The following RNF166 variants were observed in gnomAD, a reference collection of about 807,000 sequenced individuals.
The protein encoded by RNF166 is ring finger protein 166.
A neutral mutation model predicts 29.4 loss-of-function variants in RNF166; 19 were observed. The observed-to-expected ratio is 0.65, with a 90% confidence interval of 0.45 to 0.95. The LOEUF (loss-of-function observed/expected upper bound fraction) is 0.95, where lower values mean the gene tolerates loss of function less well. Among genes scored for constraint, RNF166 ranks in the 40% least tolerant of loss-of-function variants. RNF166 has a pLI of 0.00. For synonymous variants in RNF166, 171 were observed against 134.5 expected (o/e 1.27, Z -1.88); for missense variants, 347 against 322.1 (o/e 1.08, Z -0.59).
Position 88,701,298 on chromosome 16 carries a change from TGA to T in RNF166, c.274_275del (p.Ser92IlefsTer129). The T allele has an allele frequency of 6.2e-7, 1 of 1,613,750 alleles. No individual in the cohort carries two copies. Among genetic ancestry groups the T allele is most frequent in the Non-Finnish European group, 8.5e-7 (1 of 1,179,936 alleles). On this transcript the variant is annotated frameshift_variant, in exon 2 of 6. Coordinates refer to ENST00000312838, the MANE Select transcript of RNF166 (RefSeq NM_178841.4). LOFTEE classifies it high-confidence loss of function. ...AGCCTCGACAGGGCGCTTTGTAGGA[TGA>T]GAGCTGCTTCTCCACGTGGGTGGCC... ...DKATHVEKQL[S>X]SYKAPCRGCN...
At chr16:88,705,204 C>T (rs1484446335) in intron 1 of RNF166, among the ~76,000 whole-genome samples, 1 of 152,182 alleles carries the variant, frequency 6.6e-6, no homozygotes, top group Non-Finnish European at 1.5e-5. Flanking sequence ...CAGCACACAT[C>T]CACCTAGCAG....
At chr16:88,699,199 C>T (rs1219058879) in intron 3 of RNF166, 114 bp from the exon 4 acceptor site, 8 of 788,218 alleles carry the variant, frequency 1.0e-5, no homozygotes, top group Middle Eastern at 2.9e-4. Context: ...GCTGCAAGAG[C>T]GTGGCAGTGG....
At chr16:88,701,727 C>T (rs1422260664) in intron 1 of RNF166, 2 of 328,286 alleles carry the variant, frequency 6.1e-6, no homozygotes, top group African/African-American at 4.3e-5. Context: ...GCAGGAGGCC[C>T]CAGCTCGGGC....
At chr16:88,703,185 G>A in intron 1 of RNF166, 1 of 980,772 alleles carries the variant, frequency 1.0e-6, no homozygotes, top group Non-Finnish European at 1.2e-6. Flanking sequence ...AGACGGGTGG[G>A]TGCCAGGCGA....
intron 1 of RNF166, chr16:88,704,087 TG>T (rs993950318): frequency 1.0e-6 from 1 of 985,236 alleles, no homozygotes; most frequent in African/African-American, 1.7e-5. Context: ...GCCCCCACAC[TG>T]GGATACTCTT....
intron 1 of RNF166, chr16:88,704,527 G>C: frequency 4.1e-6 from 4 of 985,454 alleles, no homozygotes; most frequent in Non-Finnish European, 4.8e-6. Flanking sequence ...AGACCAATTT[G>C]TGCAGGTTAG....
In RNF166 at chr16:88,705,425, A is replaced by C. The variant is rs1358110893; in HGVS notation, c.155+746T>G. Among the ~76,000 whole-genome samples, 6 of 152,342 alleles carry C rather than the reference A, an allele frequency of 3.9e-5. No homozygotes were observed. The Middle Eastern group carries it at 0.017, about 432-fold the overall frequency. ...TTATTCAGCACTTAGGAGGGAGCAG[A>C]CACTGATCTAGGCTTCCTCCCAACG... On this transcript the variant is annotated intron_variant, in intron 1 of 5. Coordinates refer to ENST00000312838, the MANE Select transcript of RNF166 (RefSeq NM_178841.4).
At chr16:88,700,862 G>C (rs1310515169) in intron 2 of RNF166, 3 of 1,089,948 alleles carry the variant, frequency 2.8e-6, no homozygotes, top group East Asian at 8.8e-5. Context: ...TCGGCCCTTA[G>C]ATGTCCTTGA....
chr16:88,706,371 G>T lies in RNF166; in HGVS notation c.-46C>A, dbSNP rs1597418459. 1.6e-6 allele frequency: 2 copies of T among 1,219,232 alleles called. No individual in the cohort carries two copies. The highest frequency in any genetic ancestry group is 1.0e-6 in the Non-Finnish European group (1 of 977,946). The allele number at this position is 1,219,232 out of a possible 1,614,324, so 75.5% of individuals were successfully genotyped here. A position where few individuals can be genotyped will look rare whatever the true frequency, so the allele number is the denominator to read the frequency against. ...GCCCGCCGCCCGCTGTCCTGGCCCGGGCCGGCCCGCTAGTCACAGCCGCTA... is the reference window on the plus strand; with the variant it reads ...GCCCGCCGCCCGCTGTCCTGGCCCGTGCCGGCCCGCTAGTCACAGCCGCTA... On this transcript the variant is annotated 5_prime_UTR_variant, in exon 1 of 6. Transcript: ENST00000312838.
Position 88,701,243 on chromosome 16 carries a change from G to A in RNF166, c.312+19C>T, listed in dbSNP as rs368389578. On this transcript the variant is annotated intron_variant, in intron 2 of 5. Coordinates refer to ENST00000312838, the MANE Select transcript of RNF166 (RefSeq NM_178841.4). ...CATCAAGTGACCCCGGCTCCAGGGC[G>A]GCCCAAGCAGGCGGGTACCTTTTTG... The A allele has an allele frequency of 3.8e-5, 61 of 1,613,272 alleles. No homozygotes were observed. The South Asian group carries it at 4.2e-4, about 11-fold the overall frequency.
At position 88,703,836 on chromosome 16, in the gene RNF166, G is replaced by A. The variant is rs545042952; in HGVS notation, c.155+2335C>T. 1.4e-4 allele frequency: 137 copies of A among 985,430 alleles called. 1 individual carries two copies. Among genetic ancestry groups the A allele is most frequent in the South Asian group, 7.5e-4 (16 of 21,286 alleles). 61.0% of individuals were successfully genotyped at this position (985,430 alleles called of 1,614,324 possible). On this transcript the variant is annotated intron_variant, in intron 1 of 5. Transcript: ENST00000312838. Reference sequence around the variant, plus strand: ...GCTGCACAAGCTGAGAAGCTGGGACGGCCCGTGCCTCAGGGATCTGCCTGG... The same window carrying A: ...GCTGCACAAGCTGAGAAGCTGGGACAGCCCGTGCCTCAGGGATCTGCCTGG...
At chr16:88,703,154 G>GA (rs948221119) in intron 1 of RNF166, 6 of 985,304 alleles carry the variant, frequency 6.1e-6, no homozygotes, top group South Asian at 4.7e-5. Context: ...CCAGCAGAGA[G>GA]AAACCCAGTG....
rs1166962141 is a variant in RNF166 at position 88,699,604 on chromosome 16, C to T, written c.425+16G>A. On this transcript the variant is annotated intron_variant, in intron 3 of 5. Coordinates refer to ENST00000312838, the MANE Select transcript of RNF166 (RefSeq NM_178841.4). ...GCCGAGGACAGTTCCTCTCCCTTGC[C>T]CGGCAGCGTGCCTACCTGGGGATAG... is the stretch of plus-strand genomic sequence containing the variant. The T allele has an allele frequency of 6.3e-7, 1 of 1,597,558 alleles. No homozygotes were observed. The highest frequency in any genetic ancestry group is 2.2e-5 in the East Asian group (1 of 44,636).
At chr16:88,700,568 C>CT (rs149328410) in intron 2 of RNF166, 214,545 of 982,516 alleles carry the variant, frequency 0.22, 24,140 homozygotes, top group Middle Eastern at 0.29. Context: ...CTTCATAGAA[C>CT]TTATTCACCT....
chr16:88,701,507 T>A, intron 1 of RNF166, 89 bp from the exon 2 acceptor site: 3 of 1,289,622 alleles, frequency 2.3e-6, no homozygotes, highest in Non-Finnish European at 3.1e-6. Context: ...GGACCCAGCA[T>A]TTGTGGGGTC....
intron 2 of RNF166, chr16:88,700,624 C>G: frequency 1.0e-6 from 1 of 986,176 alleles, no homozygotes. Context: ...TCACCTCTAG[C>G]TGCTCAGTCC....
At chr16:88,703,288 G>C (rs1910451088) in intron 1 of RNF166, 16 of 985,038 alleles carry the variant, frequency 1.6e-5, no homozygotes, top group African/African-American at 1.7e-5. Flanking sequence ...GAAACGACTG[G>C]ATGGTGCACC....
intron 1 of RNF166, chr16:88,703,463 C>T: frequency 1.0e-6 from 1 of 985,490 alleles, no homozygotes; most frequent in Non-Finnish European, 1.2e-6. Flanking sequence ...CCCGGAAGGA[C>T]TCAGGAAAGA....
chr16:88,699,514 C>G, intron 3 of RNF166, 106 bp downstream of exon 3: 1 of 866,168 alleles, frequency 1.2e-6, no homozygotes, highest in South Asian at 1.7e-5. Context: ...GTGGACCCGG[C>G]CCCGGGTGAC....
Sources: gnomAD v4.1 joint callset for allele counts (sites outside exome capture counted in the v4.1 genomes callset) on GRCh38, gnomAD v4.1.1 for gene constraint, MANE v1.5 for transcripts, NCBI Gene and HGNC (gene_info 2026-07-23, HGNC 2026-07-21) for gene names.